RIT2: variants seen among roughly 807,000 people sequenced by gnomAD.
RIT2 encodes the protein Ras like without CAAX 2, also known as GTP-binding protein Rit2.
A neutral mutation model predicts 23.7 loss-of-function variants in RIT2; 24 were observed. The ratio of observed to expected loss-of-function variants is 1.01; its 90% CI spans 0.73 to 1.43. The LOEUF is 1.43. RIT2 is among the 40% of genes most tolerant of loss of function. RIT2 has a pLI of 0.00. For missense variants in RIT2, 236 were observed against 266.9 expected (o/e 0.88, Z 0.81); for synonymous variants, 107 against 91.1 (o/e 1.17, Z -0.99).
At chr18:43,039,193 G>T (rs1181504671) in intron 1 of RIT2, among the ~76,000 whole-genome samples, 1 of 151,936 alleles carries the variant, frequency 6.6e-6, no homozygotes, top group Non-Finnish European at 1.5e-5. Context: ...GCGTTATATG[G>T]CTTTCTTTCA....
Position 43,053,254 on chromosome 18 carries a change from T to A in RIT2, c.104-19387A>T, listed in dbSNP as rs180737236. Among the ~76,000 whole-genome samples, 5 of 152,192 alleles carry A rather than the reference T, an allele frequency of 3.3e-5. 1 individual carries two copies. Among genetic ancestry groups the A allele is most frequent in the African/African-American group, 1.2e-4 (5 of 41,542 alleles). The stretch of plus-strand genomic sequence containing the variant: ...TGTGAGCAAGAACCCTAGGCCCTGA[T>A]ACATAAGTTATGCTCACTTCATAAA... On this transcript the variant is annotated intron_variant, in intron 1 of 4. Coordinates refer to ENST00000326695, the MANE Select transcript of RIT2 (RefSeq NM_002930.4).
chr18:42,753,745 T>C (rs1913099637), intron 4 of RIT2, among the ~76,000 whole-genome samples: 1 of 152,226 alleles, frequency 6.6e-6, no homozygotes. Flanking sequence ...TTTAGTTGTA[T>C]AATTGATTTT....
At chr18:42,779,259 A>T (rs988247653) in intron 4 of RIT2, among the ~76,000 whole-genome samples, 3 of 152,074 alleles carry the variant, frequency 2.0e-5, no homozygotes, top group South Asian at 2.1e-4. Flanking sequence ...TCTTCAACGC[A>T]GGAATATTTT....
chr18:42,956,992 CTGTT>C (rs1258749492), intron 3 of RIT2, among the ~76,000 whole-genome samples: 9 of 152,138 alleles, frequency 5.9e-5, no homozygotes, highest in African/African-American at 1.7e-4. Context: ...CAGGCAAAGA[CTGTT>C]TGGTGTCTGG....
intron 4 of RIT2, among the ~76,000 whole-genome samples, chr18:42,877,139 A>C (rs1192992473): frequency 6.6e-6 from 1 of 151,930 alleles, no homozygotes; most frequent in Non-Finnish European, 1.5e-5. Context: ...TTTTGAAACT[A>C]AAGAAGAAAA....
At chr18:43,089,791 G>T (rs773577857) in intron 1 of RIT2, among the ~76,000 whole-genome samples, 1 of 151,860 alleles carries the variant, frequency 6.6e-6, no homozygotes, top group South Asian at 2.1e-4. Context: ...AATAAGGGAA[G>T]GATTCCCTAC....
intron 3 of RIT2, among the ~76,000 whole-genome samples, chr18:42,929,988 G>T (rs1909286414): frequency 6.6e-6 from 1 of 152,120 alleles, no homozygotes; most frequent in African/African-American, 2.4e-5. Flanking sequence ...TGGAGTTGTG[G>T]CAAGACGGAG....
intron 2 of RIT2, among the ~76,000 whole-genome samples, chr18:43,022,069 T>C (rs1352758240): frequency 1.3e-5 from 2 of 152,190 alleles, no homozygotes; most frequent in Admixed American, 6.5e-5. Flanking sequence ...TGTCCATCAA[T>C]GGATGAATGA....
intron 4 of RIT2, among the ~76,000 whole-genome samples, chr18:42,843,669 G>T (rs577364273): frequency 6.6e-6 from 1 of 152,270 alleles, no homozygotes; most frequent in Admixed American, 6.5e-5. Context: ...GCTCAGGGGG[G>T]TTCTCAATTT....
At chr18:42,928,955 T>G (rs2144141583) in intron 3 of RIT2, among the ~76,000 whole-genome samples, 1 of 149,102 alleles carries the variant, frequency 6.7e-6, no homozygotes, top group African/African-American at 2.4e-5. Flanking sequence ...ATCAAATATT[T>G]ATTGAGCACT....
At chr18:43,039,278 C>T (rs1912067980) in intron 1 of RIT2, among the ~76,000 whole-genome samples, 1 of 151,866 alleles carries the variant, frequency 6.6e-6, no homozygotes, top group East Asian at 1.9e-4. Flanking sequence ...TTAAGTCTTC[C>T]CTCTTTCCAT....
intron 4 of RIT2, among the ~76,000 whole-genome samples, chr18:42,910,827 A>G (rs1908751411): frequency 1.3e-5 from 2 of 152,298 alleles, no homozygotes; most frequent in African/African-American, 4.8e-5. Flanking sequence ...GCAAAAACCG[A>G]TAGAGCAGAA....
chr18:42,763,196 C>T (rs1913342018), intron 4 of RIT2, among the ~76,000 whole-genome samples: 1 of 152,166 alleles, frequency 6.6e-6, no homozygotes, highest in South Asian at 2.1e-4. Context: ...GGTGCTGTGG[C>T]TCACGCCTGT....
At chr18:42,865,956 C>A (rs751065342) in intron 4 of RIT2, among the ~76,000 whole-genome samples, 1 of 152,126 alleles carries the variant, frequency 6.6e-6, no homozygotes, top group African/African-American at 2.4e-5. Flanking sequence ...AACTTTTCTC[C>A]TGGGACTTCT....
At chr18:42,821,307 G>A (rs146461951) in intron 4 of RIT2, among the ~76,000 whole-genome samples, 1 of 152,198 alleles carries the variant, frequency 6.6e-6, no homozygotes, top group African/African-American at 2.4e-5. Context: ...ATTTAAAGAA[G>A]GAGTGATGAA....
At chr18:42,949,009 A>T (rs1909789084) in intron 3 of RIT2, 1 of 397,636 alleles carries the variant, frequency 2.5e-6, no homozygotes, top group South Asian at 1.3e-4. Flanking sequence ...CTGATTTCCC[A>T]CAGCTCTACT....
intron 4 of RIT2, among the ~76,000 whole-genome samples, chr18:42,919,887 C>G (rs1321973104): frequency 6.6e-6 from 1 of 152,062 alleles, no homozygotes; most frequent in Non-Finnish European, 1.5e-5. Flanking sequence ...AAGACAGAAG[C>G]CTGCATGAAT....
intron 4 of RIT2, among the ~76,000 whole-genome samples, chr18:42,857,074 C>G (rs1907205825): frequency 7.2e-5 from 11 of 152,120 alleles, no homozygotes; most frequent in Admixed American, 6.5e-4. Flanking sequence ...CCCACCTCGG[C>G]CTTCCAAAGT....
chr18:42,979,564 A>G (rs1910548916), intron 2 of RIT2, among the ~76,000 whole-genome samples: 1 of 152,176 alleles, frequency 6.6e-6, no homozygotes, highest in Non-Finnish European at 1.5e-5. Context: ...GGATTACTTG[A>G]ATAAATCATC....
Sources: allele counts gnomAD v4.1 joint callset (sites outside exome capture counted in the v4.1 genomes callset), GRCh38; gene constraint gnomAD v4.1.1; transcripts MANE v1.5; gene names NCBI Gene and HGNC (gene_info 2026-07-23, HGNC 2026-07-21).